DENND5B: variants seen among roughly 807,000 people sequenced by gnomAD.
The protein encoded by DENND5B is DENN domain-containing protein 5B.
In DENND5B, 34 loss-of-function variants were observed where a neutral mutation model predicts 140.6. That is an observed-to-expected ratio of 0.24 (90% CI 0.18 to 0.32). The LOEUF (loss-of-function observed/expected upper bound fraction) is 0.32. Among genes scored for constraint, DENND5B ranks in the 10% least tolerant of loss-of-function variants. The pLI is 1.00. For missense variants in DENND5B, 1,142 were observed against 1,560.2 expected (o/e 0.73, Z 4.52); for synonymous variants, 551 against 562.1 (o/e 0.98, Z 0.28).
rs33960412 is a variant in DENND5B at position 31,394,615 on chromosome 12, C to CTTTT, written c.3257-1923_3257-1920dup. 7.3e-5 allele frequency among the ~76,000 whole-genome samples: 10 copies of CTTTT among 137,606 alleles called. 1 individual carries two copies. Among genetic ancestry groups the CTTTT allele is most frequent in the Admixed American group, 1.5e-4 (2 of 13,344 alleles). The allele number at this position is 137,606 out of a possible 152,430, so 90.3% of individuals were successfully genotyped here. A position where few individuals can be genotyped will look rare whatever the true frequency, so the allele number is the denominator to read the frequency against. The stretch of plus-strand genomic sequence containing the variant: ...TCATCCCCAAAAGTTACCCTGTGCT[C>CTTTT]TTTTTTTTTTTTTTTTGAGACGGAG... On this transcript the variant is annotated intron_variant, in intron 17 of 20. Coordinates refer to ENST00000389082, the MANE Select transcript of DENND5B (RefSeq NM_144973.4).
intron 1 of DENND5B, among the ~76,000 whole-genome samples, chr12:31,573,160 CTG>C (rs1949882172): frequency 6.6e-6 from 1 of 152,174 alleles, no homozygotes; most frequent in Non-Finnish European, 1.5e-5. Context: ...TGAAAGAAAA[CTG>C]TATCTCATTA....
At chr12:31,554,500 T>G (rs1449471991) in intron 1 of DENND5B, among the ~76,000 whole-genome samples, 3 of 152,200 alleles carry the variant, frequency 2.0e-5, no homozygotes, top group Admixed American at 1.3e-4. Context: ...CTTAACATTT[T>G]TTCCTTCATT....
At chr12:31,506,737 A>G (rs1415075038) in intron 1 of DENND5B, among the ~76,000 whole-genome samples, 1 of 152,222 alleles carries the variant, frequency 6.6e-6, no homozygotes, top group Admixed American at 6.5e-5. Context: ...GTTTTCTTAC[A>G]AAGGACACAA....
intron 6 of DENND5B, among the ~76,000 whole-genome samples, chr12:31,445,627 C>T (rs1048994882): frequency 6.6e-6 from 1 of 151,954 alleles, no homozygotes; most frequent in Non-Finnish European, 1.5e-5. Context: ...ATCACTTCAA[C>T]CCAGGAGGCA....
chr12:31,490,958 CA>C (rs1405377420), intron 2 of DENND5B, among the ~76,000 whole-genome samples: 1 of 152,108 alleles, frequency 6.6e-6, no homozygotes, highest in Non-Finnish European at 1.5e-5. Context: ...TTCATTAGGA[CA>C]GACATAAAAA....
intron 1 of DENND5B, among the ~76,000 whole-genome samples, chr12:31,581,810 G>A (rs1206680231): frequency 6.6e-6 from 1 of 151,788 alleles, no homozygotes; most frequent in African/African-American, 2.4e-5. Flanking sequence ...ATGTGGTATA[G>A]TTATCCCTCA....
At chr12:31,518,415 C>T (rs1269056375) in intron 1 of DENND5B, among the ~76,000 whole-genome samples, 1 of 152,124 alleles carries the variant, frequency 6.6e-6, no homozygotes, top group Non-Finnish European at 1.5e-5. Context: ...TCCAGAAACC[C>T]AGTCTCAAAG....
intron 11 of DENND5B, chr12:31,420,153 GT>G: frequency 1.3e-6 from 1 of 775,082 alleles, no homozygotes; most frequent in Non-Finnish European, 1.6e-6. Context: ...TGGAGACAGG[GT>G]CTTGCTCTGT....
At position 31,582,937 on chromosome 12, in the gene DENND5B, T is replaced by C. The variant is rs74585900; in HGVS notation, c.127+7769A>G. ...CAGACAGATCTTCAATCCAGGCTTC[T>C]TACTTATTATAGGAACTGAAGTAAA... On this transcript the variant is annotated intron_variant, in intron 1 of 20. Coordinates refer to ENST00000389082, the MANE Select transcript of DENND5B (RefSeq NM_144973.4). Among the ~76,000 whole-genome samples the C allele has an allele frequency of 3.4e-3, 513 of 152,338 alleles. 3 individuals carry two copies. Among genetic ancestry groups the C allele is most frequent in the African/African-American group, 0.011 (475 of 41,568 alleles).
chr12:31,533,251 GA>G (rs551426996), intron 1 of DENND5B, among the ~76,000 whole-genome samples: 5 of 145,570 alleles, frequency 3.4e-5, no homozygotes, highest in East Asian at 2.0e-4. Context: ...AATATTTGAA[GA>G]AAAAAAAACA....
chr12:31,540,744 C>G (rs897585246), intron 1 of DENND5B, among the ~76,000 whole-genome samples: 6 of 150,552 alleles, frequency 4.0e-5, no homozygotes, highest in Non-Finnish European at 8.9e-5. Context: ...CCAGAATAGC[C>G]AAAGCTATCC....
intron 5 of DENND5B, 35 bp downstream of exon 5, chr12:31,451,905 A>AAT: frequency 6.2e-7 from 1 of 1,607,348 alleles, no homozygotes; most frequent in Middle Eastern, 1.7e-4. Context: ...TAAAGCCACT[A>AAT]ATAACCACAA....
At chr12:31,574,952 G>C (rs922219353) in intron 1 of DENND5B, among the ~76,000 whole-genome samples, 4 of 152,160 alleles carry the variant, frequency 2.6e-5, no homozygotes, top group Non-Finnish European at 1.5e-5. Context: ...CACCTCAAGG[G>C]TACCAATGCC....
intron 1 of DENND5B, among the ~76,000 whole-genome samples, chr12:31,513,892 C>T (rs1037425505): frequency 8.6e-5 from 13 of 150,796 alleles, no homozygotes; most frequent in African/African-American, 3.2e-4. Context: ...GGCTGGAATG[C>T]AGTAGCACAA....
In DENND5B at chr12:31,495,778, A is replaced by G. The variant is rs372042015; in HGVS notation, c.237+32T>C. ...ATATTAATAAAGTGAAAACAAGGCT[A>G]AAGAGTAAATGAGGGGAAAAAAAAC... On this transcript the variant is annotated intron_variant, in intron 2 of 20. Coordinates refer to ENST00000389082, the MANE Select transcript of DENND5B (RefSeq NM_144973.4). 4.1e-6 allele frequency: 6 copies of G among 1,468,712 alleles called. No homozygotes were observed. In the African/African-American group the frequency reaches 7.3e-5, roughly 18 times the overall value. 91.0% of individuals were successfully genotyped at this position (1,468,712 alleles called of 1,614,324 possible).
Position 31,494,138 on chromosome 12 carries a change from T to TA in DENND5B, c.237+1671_237+1672insT, listed in dbSNP as rs1462705781. Among the ~76,000 whole-genome samples, 32 of 139,860 alleles carry TA rather than the reference T, an allele frequency of 2.3e-4. No individual in the cohort carries two copies. The East Asian group carries it at 5.5e-3, about 24-fold the overall frequency. The allele number at this position is 139,860 out of a possible 152,430, so 91.8% of individuals were successfully genotyped here. On this transcript the variant is annotated intron_variant, in intron 2 of 20. Coordinates refer to ENST00000389082, the MANE Select transcript of DENND5B (RefSeq NM_144973.4). ...TCTCAAGGTTGACTATCTCTCTATCTTCTATCTATCTATCTATCTATCTAT... is the reference window on the plus strand; with the variant it reads ...TCTCAAGGTTGACTATCTCTCTATCTATCTATCTATCTATCTATCTATCTAT...
intron 1 of DENND5B, among the ~76,000 whole-genome samples, chr12:31,540,379 C>T (rs924663818): frequency 2.0e-5 from 3 of 152,098 alleles, no homozygotes; most frequent in Non-Finnish European, 2.9e-5. Context: ...CTAGGCCAGG[C>T]GTGATGCCTC....
chr12:31,505,239 CTTTT>C (rs200931111), intron 1 of DENND5B, among the ~76,000 whole-genome samples: 2 of 129,118 alleles, frequency 1.5e-5, no homozygotes, highest in Non-Finnish European at 1.6e-5. Flanking sequence ...CAGAATTTGC[CTTTT>C]TTTTTTTTTT....
In DENND5B at chr12:31,423,729, A is replaced by C. The variant is rs1943124168; in HGVS notation, c.2392-54T>G. The C allele has an allele frequency of 1.9e-6, 3 of 1,562,870 alleles. No individual in the cohort carries two copies. In the Admixed American group the frequency reaches 5.1e-5, roughly 26 times the overall value. On this transcript the variant is annotated intron_variant, in intron 10 of 20. Coordinates refer to ENST00000389082, the MANE Select transcript of DENND5B (RefSeq NM_144973.4). Reference sequence around the variant, plus strand: ...ATAAGAAATAATTCATCAAAAAATAATTTCTCATCCAAATCATTCATATTC... The same window carrying C: ...ATAAGAAATAATTCATCAAAAAATACTTTCTCATCCAAATCATTCATATTC...
Sources: allele counts gnomAD v4.1 joint callset (sites outside exome capture counted in the v4.1 genomes callset), GRCh38; gene constraint gnomAD v4.1.1; transcripts MANE v1.5; gene names NCBI Gene and HGNC (gene_info 2026-07-23, HGNC 2026-07-21).